Variants in PTPRM observed in about 807,000 individuals in gnomAD.
PTPRM encodes the protein protein tyrosine phosphatase receptor type M, also known as receptor-type tyrosine-protein phosphatase mu.
PTPRM carries 47 observed loss-of-function variants against 186.7 expected under a neutral mutation model. The observed-to-expected ratio is 0.25, with a 90% confidence interval of 0.20 to 0.32. The LOEUF (loss-of-function observed/expected upper bound fraction) is 0.32, where lower values mean the gene tolerates loss of function less well. PTPRM is among the 10% of genes least tolerant of loss of function. PTPRM has a pLI of 1.00. For missense variants in PTPRM, 1,494 were observed against 1,865.0 expected, an observed-to-expected ratio of 0.80 and a Z score of 3.66; for synonymous variants, 668 against 674.9, an observed-to-expected ratio of 0.99 and a Z score of 0.16.
intron 2 of PTPRM, among the ~76,000 whole-genome samples, chr18:7,810,351 C>T (rs2044445688): frequency 6.6e-6 from 1 of 152,204 alleles, no homozygotes; most frequent in South Asian, 2.1e-4. Flanking sequence ...ACTGTGCTAA[C>T]TGTGAGGATA....
intron 4 of PTPRM, among the ~76,000 whole-genome samples, chr18:7,911,879 GTC>G (rs2050289961): frequency 1.1e-5 from 1 of 91,108 alleles, no homozygotes; most frequent in Admixed American, 1.1e-4. Context: ...TTGAGATGGA[GTC>G]TCTCTTTCTC....
At chr18:8,358,686 G>T (rs986047817) in intron 23 of PTPRM, among the ~76,000 whole-genome samples, 3 of 152,190 alleles carry the variant, frequency 2.0e-5, no homozygotes, top group Non-Finnish European at 4.4e-5. Flanking sequence ...ATTACATAAG[G>T]TTGTACACGA....
At chr18:7,773,625 G>A (rs1157395799) in intron 1 of PTPRM, among the ~76,000 whole-genome samples, 4 of 143,842 alleles carry the variant, frequency 2.8e-5, no homozygotes, top group Non-Finnish European at 4.5e-5. Flanking sequence ...TCGCCCTGTC[G>A]CCCAGGCTGG....
intron 1 of PTPRM, among the ~76,000 whole-genome samples, chr18:7,595,384 A>G (rs1402730835): frequency 6.6e-6 from 1 of 152,184 alleles, no homozygotes; most frequent in Non-Finnish European, 1.5e-5. Flanking sequence ...ATGCGCCTCT[A>G]GGTAATGAGG....
intron 14 of PTPRM, among the ~76,000 whole-genome samples, chr18:8,179,168 G>A (rs762779206): frequency 3.3e-5 from 5 of 152,194 alleles, no homozygotes; most frequent in South Asian, 2.1e-4. Flanking sequence ...GTCCTGCTGC[G>A]AAAGAAGTCA....
chr18:8,371,133 T>G, intron 24 of PTPRM, 127 bp downstream of exon 24: 2 of 520,690 alleles, frequency 3.8e-6, no homozygotes, highest in South Asian at 4.2e-5. Context: ...ATCTGATGGT[T>G]TCTCAAGATT....
At chr18:8,148,487 T>C (rs2092932471) in intron 14 of PTPRM, among the ~76,000 whole-genome samples, 1 of 152,232 alleles carries the variant, frequency 6.6e-6, no homozygotes. Flanking sequence ...GTGGGATCAG[T>C]GGTGATATCC....
chr18:8,185,028 T>G (rs991561568), intron 14 of PTPRM, among the ~76,000 whole-genome samples: 1 of 152,160 alleles, frequency 6.6e-6, no homozygotes, highest in African/African-American at 2.4e-5. Context: ...TTTTTAAGAG[T>G]AATAAGTTAG....
At chr18:8,003,092 T>C (rs1177287626) in intron 7 of PTPRM, among the ~76,000 whole-genome samples, 1 of 152,182 alleles carries the variant, frequency 6.6e-6, no homozygotes, top group African/African-American at 2.4e-5. Context: ...GTTGGTGATA[T>C]AGTTTGGCAG....
intron 7 of PTPRM, among the ~76,000 whole-genome samples, chr18:8,027,918 C>T (rs1453531353): frequency 5.9e-5 from 9 of 152,186 alleles, no homozygotes; most frequent in Non-Finnish European, 1.3e-4. Flanking sequence ...CTCCACGCCT[C>T]TGTCTACCCC....
intron 2 of PTPRM, among the ~76,000 whole-genome samples, chr18:7,840,204 T>C (rs1302492933): frequency 6.6e-6 from 1 of 152,148 alleles, no homozygotes; most frequent in Non-Finnish European, 1.5e-5. Flanking sequence ...CTGTGTGTGC[T>C]CACCTGATTT....
In PTPRM at chr18:8,147,858, T is replaced by A. The variant is rs148905120; in HGVS notation, c.2300+4079T>A. On this transcript the variant is annotated intron_variant, in intron 14 of 32. Transcript: ENST00000580170. Reference sequence around the variant, plus strand: ...TTATTCAGTTTTTAGCATGGAGGGCTGTTGAATTTTGTCAAAGACCTTTTC... The same window carrying A: ...TTATTCAGTTTTTAGCATGGAGGGCAGTTGAATTTTGTCAAAGACCTTTTC... Among the ~76,000 whole-genome samples the A allele has an allele frequency of 3.8e-3, 575 of 152,324 alleles. 4 individuals are homozygous for A. Among genetic ancestry groups the A allele is most frequent in the African/African-American group, 0.013 (532 of 41,582 alleles).
intron 1 of PTPRM, among the ~76,000 whole-genome samples, chr18:7,687,315 A>G (rs771095897): frequency 1.4e-4 from 21 of 152,214 alleles, no homozygotes; most frequent in Admixed American, 4.6e-4. Context: ...TGGTCTGGCA[A>G]GGAAATAATA....
At chr18:7,989,779 A>G (rs1000617203) in intron 7 of PTPRM, among the ~76,000 whole-genome samples, 2 of 152,158 alleles carry the variant, frequency 1.3e-5, no homozygotes, top group African/African-American at 4.8e-5. Flanking sequence ...TTCACTGGCC[A>G]CCATCTGCTC....
intron 14 of PTPRM, among the ~76,000 whole-genome samples, chr18:8,227,797 T>C (rs1361812263): frequency 6.6e-6 from 1 of 152,222 alleles, no homozygotes; most frequent in Non-Finnish European, 1.5e-5. Context: ...CCATTAAATT[T>C]CCAGATAATG....
chr18:8,377,892 A>C (rs779472802), intron 26 of PTPRM: 24 of 165,842 alleles, frequency 1.4e-4, no homozygotes, highest in Non-Finnish European at 2.4e-4. Context: ...CTTCACAGTA[A>C]TGCCAAGTTT....
intron 5 of PTPRM, 29 bp from the exon 6 acceptor site, chr18:7,949,152 T>A: frequency 6.5e-7 from 1 of 1,543,658 alleles, no homozygotes; most frequent in East Asian, 2.3e-5. Flanking sequence ...TATTGCTTCT[T>A]TTTGTCCTCC....
At chr18:7,698,983 C>G (rs192458178) in intron 1 of PTPRM, among the ~76,000 whole-genome samples, 1 of 152,158 alleles carries the variant, frequency 6.6e-6, no homozygotes, top group Non-Finnish European at 1.5e-5. Flanking sequence ...AGTACCAGTC[C>G]TTGGCCTGTA....
chr18:7,834,529 C>CACACACACACACACACACACA (rs2045937641), intron 2 of PTPRM, among the ~76,000 whole-genome samples: 2 of 133,968 alleles, frequency 1.5e-5, no homozygotes, highest in Non-Finnish European at 3.0e-5. Context: ...CACACACACA[C>CACACACACACACACACACACA]TTCCAGACTC....
Sources: allele counts gnomAD v4.1 joint callset (sites outside exome capture counted in the v4.1 genomes callset), GRCh38; gene constraint gnomAD v4.1.1; transcripts MANE v1.5; gene names NCBI Gene and HGNC (gene_info 2026-07-23, HGNC 2026-07-21).